The following DMD variants were observed in gnomAD, a reference collection of about 807,000 sequenced individuals.
The protein encoded by DMD is dystrophin.
A neutral mutation model predicts 330.1 loss-of-function variants in DMD; 63 were observed. The ratio of observed to expected loss-of-function variants is 0.19; its 90% CI spans 0.16 to 0.24. The LOEUF is 0.24. DMD is among the 10% of genes least tolerant of loss of function. The pLI is 1.00. For synonymous variants in DMD, 1,223 were observed against 959.8 expected (o/e 1.27, Z -5.07); for missense variants, 3,344 against 2,684.1 (o/e 1.25, Z -5.43).
At chrX:32,660,777 A>C (rs1042220641) in intron 9 of DMD, among the ~76,000 whole-genome samples, 1 of 111,816 alleles carries the variant, frequency 8.9e-6, no homozygotes, top group Non-Finnish European at 1.9e-5. Context: ...CTTTTCAAAA[A>C]TAAAGTACAT....
At chrX:32,242,890 T>C (rs932832016) in intron 43 of DMD, among the ~76,000 whole-genome samples, 18 of 105,613 alleles carry the variant, frequency 1.7e-4, no homozygotes, top group Non-Finnish European at 2.9e-4. Flanking sequence ...TTTGTGGTAC[T>C]GAAAAGAAAG....
At chrX:32,341,882 T>A (rs1196988283) in intron 41 of DMD, among the ~76,000 whole-genome samples, 1 of 111,313 alleles carries the variant, frequency 9.0e-6, no homozygotes, top group Non-Finnish European at 1.9e-5. Flanking sequence ...GATAAGGGGT[T>A]TTCCCTGTTA....
chrX:32,237,953 C>T (rs1457009039), intron 43 of DMD, among the ~76,000 whole-genome samples: 1 of 111,974 alleles, frequency 8.9e-6, no homozygotes, highest in Non-Finnish European at 1.9e-5. Flanking sequence ...ATGCCTAAAA[C>T]ACTCTCCTTC....
intron 55 of DMD, among the ~76,000 whole-genome samples, chrX:31,596,585 G>A (rs1428356603): frequency 1.8e-5 from 2 of 111,804 alleles, no homozygotes; most frequent in South Asian, 3.7e-4. Context: ...ACAACCTCAA[G>A]AAGAGAGTAG....
chrX:32,494,691 C>T (rs966052680), intron 19 of DMD, among the ~76,000 whole-genome samples: 6 of 111,348 alleles, frequency 5.4e-5, no homozygotes, highest in African/African-American at 2.0e-4. Flanking sequence ...AAAGAATATT[C>T]AGAAAACAAG....
At chrX:32,773,372 C>A (rs980381765) in intron 7 of DMD, among the ~76,000 whole-genome samples, 10 of 111,012 alleles carry the variant, frequency 9.0e-5, no homozygotes, top group African/African-American at 2.9e-4. Context: ...ATTAGGGCAT[C>A]CATCACCTCA....
At chrX:32,011,585 G>C (rs949445432) in intron 44 of DMD, among the ~76,000 whole-genome samples, 13 of 111,650 alleles carry the variant, frequency 1.2e-4, no homozygotes, top group African/African-American at 3.6e-4. Context: ...GTGGCTTATG[G>C]CTGAATCCCC....
chrX:31,929,921 AC>A (rs1385160055), intron 46 of DMD, among the ~76,000 whole-genome samples, 176 bp from the exon 47 acceptor site: 1 of 111,281 alleles, frequency 9.0e-6, no homozygotes, highest in Non-Finnish European at 1.9e-5. Context: ...TGAAACACTC[AC>A]CCCCTCAGTA....
chrX:32,486,708 C>T (rs1248009830), intron 20 of DMD, among the ~76,000 whole-genome samples: 1 of 105,953 alleles, frequency 9.4e-6, no homozygotes, highest in African/African-American at 3.4e-5. Context: ...ATACCTACAA[C>T]TATCTGATCT....
intron 2 of DMD, among the ~76,000 whole-genome samples, chrX:33,014,487 G>A (rs1461331080): frequency 8.9e-6 from 1 of 111,780 alleles, no homozygotes; most frequent in Non-Finnish European, 1.9e-5. Context: ...ATGTTACGGA[G>A]ATTGAATTTC....
At chrX:32,592,758 C>A (rs901910378) in intron 13 of DMD, among the ~76,000 whole-genome samples, 2 of 112,339 alleles carry the variant, frequency 1.8e-5, no homozygotes, top group African/African-American at 3.2e-5. Flanking sequence ...GAGCCCAGAC[C>A]TTGGGGCTCC....
At position 31,153,180 on chromosome X, in the gene DMD, T is replaced by C. The variant is rs1281433758; in HGVS notation, c.10554-5662A>G. Among the ~76,000 whole-genome samples, 10 of 111,848 alleles carry C rather than the reference T, an allele frequency of 8.9e-5. No individual in the cohort carries two copies. In the Admixed American group the frequency reaches 9.4e-4, roughly 11 times the overall value. ...GCAGTAGGTAGATTGGTTCAGGTCC[T>C]GGTTTCAAGGCTGTGATGCTCTCTT... On this transcript the variant is annotated intron_variant, in intron 74 of 78. Transcript: ENST00000357033.
rs758468726 is a variant in DMD, at chrX:31,305,016, T to C, written c.9224+18582A>G. On this transcript the variant is annotated intron_variant, in intron 62 of 78. Transcript: ENST00000357033. Reference sequence around the variant, plus strand: ...TTTTTTTTGTTTAGATTAAATGTTTTCCTGTTGTTGCTGGAAGCAAAGTAT... The same window carrying C: ...TTTTTTTTGTTTAGATTAAATGTTTCCCTGTTGTTGCTGGAAGCAAAGTAT... Among the ~76,000 whole-genome samples, 5 of 112,210 alleles carry C rather than the reference T, an allele frequency of 4.5e-5. No individual in the cohort carries two copies. The South Asian group carries it at 1.9e-3, about 42-fold the overall frequency.
chrX:32,216,707 C>G (rs139179322), intron 44 of DMD, among the ~76,000 whole-genome samples: 2 of 111,235 alleles, frequency 1.8e-5, no homozygotes, highest in African/African-American at 6.5e-5. Flanking sequence ...CAGCTCCGTC[C>G]AGGCAAACTC....
intron 54 of DMD, among the ~76,000 whole-genome samples, chrX:31,636,926 T>C (rs926214484): frequency 8.9e-6 from 1 of 111,913 alleles, no homozygotes; most frequent in Non-Finnish European, 1.9e-5. Flanking sequence ...TATACAAAGT[T>C]ATAGTACATA....
chrX:32,092,087 C>T (rs904939722), intron 44 of DMD, among the ~76,000 whole-genome samples: 3 of 111,639 alleles, frequency 2.7e-5, no homozygotes, highest in Non-Finnish European at 3.8e-5. Context: ...TGCTATGATT[C>T]GGTGTCAGGA....
chrX:32,966,476 C>T (rs929463603), intron 2 of DMD, among the ~76,000 whole-genome samples: 3 of 111,801 alleles, frequency 2.7e-5, no homozygotes, highest in African/African-American at 9.7e-5. Flanking sequence ...TCTATGTATA[C>T]ATTTTAAAGA....
chrX:31,313,571 T>A (rs2055711937), intron 62 of DMD, among the ~76,000 whole-genome samples: 1 of 111,975 alleles, frequency 8.9e-6, no homozygotes, highest in Admixed American at 9.5e-5. Context: ...TGCAGTTTTG[T>A]TACAGGGATG....
At chrX:32,409,490 T>A (rs2098133147) in intron 30 of DMD, among the ~76,000 whole-genome samples, 1 of 111,409 alleles carries the variant, frequency 9.0e-6, no homozygotes, top group South Asian at 3.7e-4. Flanking sequence ...AAATCCTGAA[T>A]CCATTTCTAA....
Sources: allele counts gnomAD v4.1 joint callset (sites outside exome capture counted in the v4.1 genomes callset), GRCh38; gene constraint gnomAD v4.1.1; transcripts MANE v1.5; gene names NCBI Gene and HGNC (gene_info 2026-07-23, HGNC 2026-07-21).